NXPH2: variants seen among roughly 807,000 people sequenced by gnomAD.
NXPH2 encodes the protein neurexophilin-2.
NXPH2 carries 5 observed loss-of-function variants against 19.8 expected under a neutral mutation model. The ratio of observed to expected loss-of-function variants is 0.25; its 90% CI spans 0.13 to 0.53. The LOEUF is 0.53. Among genes scored for constraint, NXPH2 ranks in the 20% least tolerant of loss-of-function variants. The pLI, the probability that NXPH2 is intolerant of heterozygous loss-of-function variation, is 0.96. For missense variants in NXPH2, 289 were observed against 322.8 expected, an observed-to-expected ratio of 0.90 and a Z score of 0.80; for synonymous variants, 154 against 127.4, an observed-to-expected ratio of 1.21 and a Z score of -1.41.
chr2:138,740,888 A>C (rs1275024609), intron 1 of NXPH2, among the ~76,000 whole-genome samples: 1 of 145,368 alleles, frequency 6.9e-6, no homozygotes, highest in East Asian at 2.3e-4. Flanking sequence ...ATGGGGGAAA[A>C]GTGCTGATTC....
chr2:138,735,504 G>A (rs1681525894), intron 1 of NXPH2, among the ~76,000 whole-genome samples: 1 of 152,120 alleles, frequency 6.6e-6, no homozygotes, highest in African/African-American at 2.4e-5. Flanking sequence ...CAGTATGGAA[G>A]AAACTGCCCC....
intron 1 of NXPH2, among the ~76,000 whole-genome samples, chr2:138,759,691 G>C (rs1040045891): frequency 1.3e-5 from 2 of 150,770 alleles, no homozygotes; most frequent in East Asian, 1.9e-4. Flanking sequence ...GGTATGGATA[G>C]AGATTGTGAC....
chr2:138,713,422 G>C (rs530418683), intron 1 of NXPH2, among the ~76,000 whole-genome samples: 1 of 152,332 alleles, frequency 6.6e-6, no homozygotes, highest in Admixed American at 6.5e-5. Flanking sequence ...TAAAAGCCCA[G>C]TGTACTTCAC....
chr2:138,766,654 G>A (rs910300165), intron 1 of NXPH2, among the ~76,000 whole-genome samples: 35 of 152,104 alleles, frequency 2.3e-4, no homozygotes, highest in Non-Finnish European at 2.9e-5. Flanking sequence ...ATGGCCACAG[G>A]AGCATGACTT....
In NXPH2 at chr2:138,669,919, T is replaced by C. The variant is rs1262427126; in HGVS notation, c.*1003A>G. On this transcript the variant is annotated 3_prime_UTR_variant, in exon 2 of 2. Coordinates refer to ENST00000272641, the MANE Select transcript of NXPH2 (RefSeq NM_007226.3). ...AGAGTTTGATCTCTTATTCAAATAT[T>C]AACTAAATGCAAGGGGAACTTAATC... Among the ~76,000 whole-genome samples the C allele has an allele frequency of 1.3e-5, 2 of 152,244 alleles. No homozygotes were observed. Among genetic ancestry groups the C allele is most frequent in the Non-Finnish European group, 2.9e-5 (2 of 68,042 alleles).
In NXPH2 at chr2:138,763,283, A is replaced by G. The variant is rs568712343; in HGVS notation, c.51+16908T>C. On this transcript the variant is annotated intron_variant, in intron 1 of 1. Transcript: ENST00000272641. Reference sequence around the variant, plus strand: ...ACACAAAATCAGAAATTTTGATCATAAATTTTAAATTATTGACTGCCTAAA... The same window carrying G: ...ACACAAAATCAGAAATTTTGATCATGAATTTTAAATTATTGACTGCCTAAA... Among the ~76,000 whole-genome samples, 5 of 152,318 alleles carry G rather than the reference A, an allele frequency of 3.3e-5. No individual in the cohort carries two copies. The South Asian group carries it at 1.0e-3, about 32-fold the overall frequency.
chr2:138,714,906 T>C (rs1681166658), intron 1 of NXPH2, among the ~76,000 whole-genome samples: 1 of 152,202 alleles, frequency 6.6e-6, no homozygotes, highest in African/African-American at 2.4e-5. Context: ...ATGACATTAA[T>C]GTACAGATGA....
At chr2:138,676,992 A>G (rs114139495) in intron 1 of NXPH2, among the ~76,000 whole-genome samples, 210 of 152,310 alleles carry the variant, frequency 1.4e-3, no homozygotes, top group African/African-American at 4.9e-3. Context: ...TACTACATGA[A>G]TCAGCAAAGG....
At chr2:138,685,451 T>G (rs1195847612) in intron 1 of NXPH2, among the ~76,000 whole-genome samples, 1 of 152,244 alleles carries the variant, frequency 6.6e-6, no homozygotes, top group Non-Finnish European at 1.5e-5. Context: ...AACCTAGTTA[T>G]AGATTCACCT....
chr2:138,732,437 A>G (rs1179439981), intron 1 of NXPH2, among the ~76,000 whole-genome samples: 1 of 152,152 alleles, frequency 6.6e-6, no homozygotes, highest in African/African-American at 2.4e-5. Flanking sequence ...GATGTGTGAG[A>G]TTGCGAAGGA....
rs182114075 is a variant in NXPH2 at position 138,694,135 on chromosome 2, A to T, written c.52-22470T>A. On this transcript the variant is annotated intron_variant, in intron 1 of 1. Transcript: ENST00000272641. The stretch of plus-strand genomic sequence containing the variant: ...TTTAAAAAACTGTAACCAGCCAAAT[A>T]ATTGCTTTGTCTTATTTCCATATTC... Among the ~76,000 whole-genome samples the T allele has an allele frequency of 2.0e-5, 3 of 152,248 alleles. No individual in the cohort carries two copies. In the East Asian group the frequency reaches 5.8e-4, roughly 29 times the overall value.
chr2:138,689,217 G>A (rs886819972), intron 1 of NXPH2, among the ~76,000 whole-genome samples: 5 of 152,168 alleles, frequency 3.3e-5, no homozygotes, highest in African/African-American at 7.2e-5. Flanking sequence ...GAAACCTGAA[G>A]AGAAGAGCCA....
chr2:138,704,157 C>T (rs567434233), intron 1 of NXPH2, among the ~76,000 whole-genome samples: 3 of 152,342 alleles, frequency 2.0e-5, no homozygotes, highest in Admixed American at 1.3e-4. Flanking sequence ...TAGCCTTTTC[C>T]TATGTGCTTT....
chr2:138,725,224 G>C (rs1213475735), intron 1 of NXPH2, among the ~76,000 whole-genome samples: 1 of 152,170 alleles, frequency 6.6e-6, no homozygotes, highest in Non-Finnish European at 1.5e-5. Context: ...AGTTATTGAA[G>C]TAATTCATTA....
At chr2:138,700,897 AT>A (rs1272187342) in intron 1 of NXPH2, among the ~76,000 whole-genome samples, 3 of 152,102 alleles carry the variant, frequency 2.0e-5, no homozygotes, top group Non-Finnish European at 4.4e-5. Flanking sequence ...AGAATTTCAC[AT>A]CTGTTCTCAT....
chr2:138,780,056 A>G, intron 1 of NXPH2, 135 bp downstream of exon 1: 2 of 828,842 alleles, frequency 2.4e-6, no homozygotes, highest in South Asian at 2.1e-5. Flanking sequence ...GCAACCCAAA[A>G]CTCCTTGCCC....
At chr2:138,728,194 CCT>C (rs1206540803) in intron 1 of NXPH2, among the ~76,000 whole-genome samples, 1 of 151,760 alleles carries the variant, frequency 6.6e-6, no homozygotes, top group Admixed American at 6.6e-5. Flanking sequence ...GTCTCTCTTC[CCT>C]CTGTCTCTCT....
chr2:138,684,277 C>T (rs2104971316), intron 1 of NXPH2, among the ~76,000 whole-genome samples: 1 of 152,084 alleles, frequency 6.6e-6, no homozygotes, highest in Non-Finnish European at 1.5e-5. Context: ...TAGTAATACT[C>T]TAATGAGACT....
intron 1 of NXPH2, among the ~76,000 whole-genome samples, chr2:138,733,685 C>T (rs559945392): frequency 3.6e-4 from 55 of 152,192 alleles, no homozygotes; most frequent in African/African-American, 1.2e-3. Flanking sequence ...TCACAATGTT[C>T]GGCTGCATTA....
Sources: allele counts gnomAD v4.1 joint callset (sites outside exome capture counted in the v4.1 genomes callset), GRCh38; gene constraint gnomAD v4.1.1; transcripts MANE v1.5; gene names NCBI Gene and HGNC (gene_info 2026-07-23, HGNC 2026-07-21).